The following LRRTM4 variants were observed in gnomAD, a reference collection of about 807,000 sequenced individuals.
The protein encoded by LRRTM4 is leucine rich repeat transmembrane neuronal 4.
A neutral mutation model predicts 47.6 loss-of-function variants in LRRTM4; 25 were observed. That is an observed-to-expected ratio of 0.53 (90% CI 0.38 to 0.73). LRRTM4 has a LOEUF of 0.73. LRRTM4 is among the 30% of genes least tolerant of loss of function. LRRTM4 has a pLI of 0.00. For synonymous variants in LRRTM4, 311 were observed against 269.5 expected (o/e 1.15, Z -1.51); for missense variants, 638 against 713.4 (o/e 0.89, Z 1.20).
intron 3 of LRRTM4, among the ~76,000 whole-genome samples, chr2:76,948,215 A>C (rs914850309): frequency 6.6e-6 from 1 of 151,858 alleles, no homozygotes; most frequent in Admixed American, 6.6e-5. Flanking sequence ...AGTATTTGTT[A>C]TTGTGAGCAG....
Position 77,297,345 on chromosome 2 carries a change from G to A in LRRTM4, c.1551+220973C>T, listed in dbSNP as rs1056997245. Among the ~76,000 whole-genome samples, 340 of 152,186 alleles carry A rather than the reference G, an allele frequency of 2.2e-3. 1 individual carries two copies. Among genetic ancestry groups the A allele is most frequent in the African/African-American group, 7.6e-3 (317 of 41,530 alleles). On this transcript the variant is annotated intron_variant, in intron 3 of 3. Coordinates refer to ENST00000409884, the MANE Select transcript of LRRTM4 (RefSeq NM_001134745.3). ...TATAAAAAGTTAACTAAAATTTAATGAGACTGATTATTGTTTTGATTTACA... is the reference window on the plus strand; with the variant it reads ...TATAAAAAGTTAACTAAAATTTAATAAGACTGATTATTGTTTTGATTTACA...
intron 3 of LRRTM4, among the ~76,000 whole-genome samples, chr2:77,185,179 C>G (rs1673466199): frequency 2.0e-5 from 3 of 152,128 alleles, no homozygotes; most frequent in Non-Finnish European, 4.4e-5. Flanking sequence ...TTCAGCTCAG[C>G]TGCAGCAAGC....
At chr2:77,388,240 C>T (rs571646442) in intron 3 of LRRTM4, among the ~76,000 whole-genome samples, 1 of 151,632 alleles carries the variant, frequency 6.6e-6, no homozygotes, top group East Asian at 1.9e-4. Context: ...CAAAATGAAT[C>T]GTCACAGAAA....
rs188393150 is a variant in LRRTM4, at chr2:77,328,462, C to G, written c.1551+189856G>C. On this transcript the variant is annotated intron_variant, in intron 3 of 3. Transcript: ENST00000409884. ...AGGGAGATTTGCAGTCATGCCCCCT[C>G]CCTTCCTTCTTTCTTTTCTTCCTTT... Among the ~76,000 whole-genome samples, 38 of 152,240 alleles carry G rather than the reference C, an allele frequency of 2.5e-4. 1 individual carries two copies. The highest frequency in any genetic ancestry group is 1.1e-3 in the Admixed American group (17 of 15,288).
chr2:77,218,890 A>T (rs1674537586), intron 3 of LRRTM4, among the ~76,000 whole-genome samples: 1 of 152,168 alleles, frequency 6.6e-6, no homozygotes, highest in African/African-American at 2.4e-5. Context: ...AACAAAAAAG[A>T]TTGGGTCTCA....
At chr2:77,278,729 T>A (rs1386274230) in intron 3 of LRRTM4, among the ~76,000 whole-genome samples, 1 of 152,040 alleles carries the variant, frequency 6.6e-6, no homozygotes, top group Non-Finnish European at 1.5e-5. Context: ...CACAACATCT[T>A]ACTTTACCAA....
intron 3 of LRRTM4, among the ~76,000 whole-genome samples, chr2:77,027,354 T>G (rs1319881849): frequency 6.6e-6 from 1 of 152,154 alleles, no homozygotes; most frequent in Non-Finnish European, 1.5e-5. Context: ...TAAATGCTTT[T>G]TAAAATAGCC....
chr2:77,446,190 GT>G (rs971015676), intron 3 of LRRTM4, among the ~76,000 whole-genome samples: 19 of 151,860 alleles, frequency 1.3e-4, no homozygotes, highest in Non-Finnish European at 2.5e-4. Context: ...AATGCTATGG[GT>G]TTTTTTCTGT....
At chr2:77,404,261 G>T (rs1452983046) in intron 3 of LRRTM4, among the ~76,000 whole-genome samples, 1 of 151,840 alleles carries the variant, frequency 6.6e-6, no homozygotes, top group Non-Finnish European at 1.5e-5. Flanking sequence ...AAGAAAATTT[G>T]CAATTATTGT....
chr2:76,949,783 A>G (rs1285253571), intron 3 of LRRTM4, among the ~76,000 whole-genome samples: 7 of 151,936 alleles, frequency 4.6e-5, no homozygotes, highest in Admixed American at 4.6e-4. Flanking sequence ...CACATTATTG[A>G]TTTTGGTGTA....
In LRRTM4 at chr2:77,227,438, G is replaced by A. The variant is rs532632851; in HGVS notation, c.1551+290880C>T. On this transcript the variant is annotated intron_variant, in intron 3 of 3. Coordinates refer to ENST00000409884, the MANE Select transcript of LRRTM4 (RefSeq NM_001134745.3). ...GAGGCTGAAGAGTCTTAGAGCAGGA[G>A]AGAAACCATGAGGAAACAAAAGAGC... Among the ~76,000 whole-genome samples the A allele has an allele frequency of 2.0e-5, 3 of 152,136 alleles. No individual in the cohort carries two copies. The South Asian group carries it at 6.2e-4, about 32-fold the overall frequency.
At chr2:77,237,180 TTG>T (rs1675125094) in intron 3 of LRRTM4, among the ~76,000 whole-genome samples, 2 of 151,338 alleles carry the variant, frequency 1.3e-5, no homozygotes, top group Admixed American at 1.3e-4. Flanking sequence ...TTTTTTTTTT[TTG>T]GTTGCTAGGT....
chr2:76,877,773 T>C (rs972025408), intron 3 of LRRTM4, among the ~76,000 whole-genome samples: 5 of 152,080 alleles, frequency 3.3e-5, no homozygotes, highest in African/African-American at 9.7e-5. Context: ...AGCTTAACTT[T>C]CCAGAATATG....
At chr2:76,793,966 A>C (rs1410635629) in intron 3 of LRRTM4, among the ~76,000 whole-genome samples, 1 of 152,200 alleles carries the variant, frequency 6.6e-6, no homozygotes, top group Non-Finnish European at 1.5e-5. Flanking sequence ...TGGTGCAACA[A>C]TGTCCCACTT....
At chr2:77,343,357 A>G (rs548800637) in intron 3 of LRRTM4, among the ~76,000 whole-genome samples, 1 of 152,080 alleles carries the variant, frequency 6.6e-6, no homozygotes, top group African/African-American at 2.4e-5. Context: ...AAACAGAACA[A>G]ATTTTATTAT....
At chr2:77,250,528 T>G (rs1675574216) in intron 3 of LRRTM4, among the ~76,000 whole-genome samples, 2 of 152,200 alleles carry the variant, frequency 1.3e-5, no homozygotes. Flanking sequence ...ATACACTATG[T>G]AAATATAATC....
At chr2:77,075,386 T>C (rs1418271071) in intron 3 of LRRTM4, among the ~76,000 whole-genome samples, 1 of 152,188 alleles carries the variant, frequency 6.6e-6, no homozygotes, top group Non-Finnish European at 1.5e-5. Context: ...AAAAAATTTC[T>C]TCAGACTAAA....
At chr2:76,773,963 T>C (rs183924102) in intron 3 of LRRTM4, among the ~76,000 whole-genome samples, 1 of 151,938 alleles carries the variant, frequency 6.6e-6, no homozygotes, top group African/African-American at 2.4e-5. Context: ...TTATAGCTGT[T>C]TGAGAAAAAA....
At chr2:77,089,831 A>G (rs62170957) in intron 3 of LRRTM4, among the ~76,000 whole-genome samples, 17,169 of 152,002 alleles carry the variant, frequency 0.11, 1,127 homozygotes, top group East Asian at 0.16. Context: ...ATCCTGCAAT[A>G]TCTAAATAAT....
Sources: allele counts gnomAD v4.1 joint callset (sites outside exome capture counted in the v4.1 genomes callset), GRCh38; gene constraint gnomAD v4.1.1; transcripts MANE v1.5; gene names NCBI Gene and HGNC (gene_info 2026-07-23, HGNC 2026-07-21).